ERMN: variants seen among roughly 807,000 people sequenced by gnomAD.
ERMN encodes ermin.
In ERMN, 17 loss-of-function variants were observed where a neutral mutation model predicts 21.4. That is an observed-to-expected ratio of 0.80 (90% CI 0.54 to 1.19). ERMN has a LOEUF of 1.19. ERMN is among the 50% of genes most tolerant of loss of function. The pLI is 0.00. For missense variants in ERMN, 348 were observed against 331.6 expected (o/e 1.05, Z -0.38); for synonymous variants, 115 against 111.9 (o/e 1.03, Z -0.17).
upstream of ERMN, among the ~76,000 whole-genome samples, chr2:157,326,671 T>G (rs962919357): frequency 3.9e-5 from 6 of 152,158 alleles, no homozygotes; most frequent in African/African-American, 1.4e-4. Context: ...GGATTTCTCA[T>G]AGTACAAAAT....
chr2:157,325,337 C>CA, intron 1 of ERMN, 65 bp downstream of exon 1: 3 of 1,603,852 alleles, frequency 1.9e-6, no homozygotes, highest in Non-Finnish European at 1.7e-6. Context: ...AATAGTTTAT[C>CA]AAAAAAATCC....
upstream of ERMN, among the ~76,000 whole-genome samples, chr2:157,326,458 ATCCT>A (rs1391470645): frequency 6.6e-6 from 1 of 152,162 alleles, no homozygotes; most frequent in Non-Finnish European, 1.5e-5. Context: ...AGCCCAGCCG[ATCCT>A]TTAAAACCCT....
rs1683877240 is a variant in ERMN, at chr2:157,321,011, T to C, written c.*260A>G. The stretch of plus-strand genomic sequence containing the variant: ...CAGATTCCCCCAGGGGACTGACTGC[T>C]TAGTGCTTATCACACAATGCTATAT... On this transcript the variant is annotated 3_prime_UTR_variant, in exon 3 of 3. Coordinates refer to ENST00000410096, the MANE Select transcript of ERMN (RefSeq NM_020711.3). 2.3e-6 allele frequency: 1 copy of C among 436,768 alleles called. No homozygotes were observed. The highest frequency in any genetic ancestry group is 4.0e-6 in the Non-Finnish European group (1 of 248,638). 27.1% of individuals were successfully genotyped at this position (436,768 alleles called of 1,614,324 possible).
chr2:157,325,530 C>A lies in ERMN; in HGVS notation c.113G>T (p.Ser38Ile), dbSNP rs1466555829. The A allele has an allele frequency of 6.2e-7, 1 of 1,614,182 alleles. No homozygotes were observed. The highest frequency in any genetic ancestry group is 8.5e-7 in the Non-Finnish European group (1 of 1,180,022). The change falls in exon 1 of 3, where the codon AGC (serine) becomes ATC (isoleucine). Residue 38 changes from serine to isoleucine, a missense_variant. Physicochemically the swap from Ser to Ile is moderately radical, Grantham distance 142 (BLOSUM62 -2). Transcript: ENST00000410096. ...KISEELTDVD[S>I]PLPHYRVEPS... is the part of the protein sequence containing the mutation. ...TTCTACCCTGTAGTGTGGCAGGGGG[C>A]TGTCCACATCAGTCAATTCCTCACT... is the stretch of plus-strand genomic sequence containing the variant.
chr2:157,324,169 AG>A (rs1180562595), intron 2 of ERMN: 1 of 262,582 alleles, frequency 3.8e-6, no homozygotes, highest in African/African-American at 2.4e-5. Context: ...TTACTCAGGA[AG>A]CTGAGGCAGG....
chr2:157,323,189 T>C (rs1683959414), intron 2 of ERMN, among the ~76,000 whole-genome samples: 1 of 152,172 alleles, frequency 6.6e-6, no homozygotes, highest in South Asian at 2.1e-4. Context: ...CCTGCTTTCA[T>C]TCTCCATTTG....
At chr2:157,325,845 T>C, upstream of ERMN, 1 of 1,423,202 alleles carries the variant, frequency 7.0e-7, no homozygotes, top group Non-Finnish European at 9.2e-7. Context: ...CAAGAGGATT[T>C]GTCAGATCTG....
upstream of ERMN, chr2:157,327,492 A>C (rs1276233587): frequency 1.3e-6 from 1 of 780,166 alleles, no homozygotes; most frequent in African/African-American, 1.7e-5. Flanking sequence ...CAGTCTTCTG[A>C]GGTAGGTGCT....
chr2:157,325,902 G>T (rs1010968253), upstream of ERMN: 4 of 1,380,296 alleles, frequency 2.9e-6, no homozygotes, highest in African/African-American at 5.8e-5. Flanking sequence ...CTTCTTTGTT[G>T]CTTGCCAGTT....
At chr2:157,321,892 C>T in intron 2 of ERMN, 101 bp from the exon 3 acceptor site, 1 of 1,024,208 alleles carries the variant, frequency 9.8e-7, no homozygotes, top group Non-Finnish European at 1.4e-6. Flanking sequence ...AATCACTTCC[C>T]AACACATGTT....
intron 2 of ERMN, among the ~76,000 whole-genome samples, chr2:157,322,694 T>C (rs1158760808): frequency 1.3e-5 from 2 of 152,214 alleles, no homozygotes; most frequent in African/African-American, 4.8e-5. Context: ...TCTTATTTTT[T>C]TGTTGTTTTC....
At position 157,321,140 on chromosome 2, in the gene ERMN, C is replaced by G. The variant is rs907496149; in HGVS notation, c.*131G>C. Reference sequence around the variant, plus strand: ...CTAGGGTTATTTCCACATTATTCTACAGTGAAAAAGAGAGTCAACTTCCAC... The same window carrying G: ...CTAGGGTTATTTCCACATTATTCTAGAGTGAAAAAGAGAGTCAACTTCCAC... On this transcript the variant is annotated 3_prime_UTR_variant, in exon 3 of 3. Coordinates refer to ENST00000410096, the MANE Select transcript of ERMN (RefSeq NM_020711.3). The G allele has an allele frequency of 1.8e-5, 23 of 1,311,060 alleles. No individual in the cohort carries two copies. Among genetic ancestry groups the G allele is most frequent in the Non-Finnish European group, 2.2e-5 (21 of 968,910 alleles). The allele number at this position is 1,311,060 out of a possible 1,614,324, so 81.2% of individuals were successfully genotyped here. A position where few individuals can be genotyped will look rare whatever the true frequency, so the allele number is the denominator to read the frequency against.
intron 2 of ERMN, chr2:157,324,197 T>A (rs1683993734): frequency 4.0e-6 from 1 of 252,746 alleles, no homozygotes; most frequent in Non-Finnish European, 7.9e-6. Context: ...GCTTGAACCC[T>A]GGAGACAGAG....
intron 2 of ERMN, among the ~76,000 whole-genome samples, chr2:157,322,347 A>T (rs1429401144): frequency 6.6e-6 from 1 of 152,122 alleles, no homozygotes; most frequent in African/African-American, 2.4e-5. Context: ...ATGACTGTCC[A>T]TGTCTGGTCA....
At chr2:157,325,981 G>A (rs1278381050), upstream of ERMN, 3 of 1,152,796 alleles carry the variant, frequency 2.6e-6, no homozygotes, top group Admixed American at 4.1e-5. Flanking sequence ...AGGCTTTTGT[G>A]TTGGCATGTA....
chr2:157,323,797 T>C (rs937429691), intron 2 of ERMN, among the ~76,000 whole-genome samples: 7 of 152,214 alleles, frequency 4.6e-5, no homozygotes, highest in Non-Finnish European at 7.3e-5. Context: ...TATTTAAAAT[T>C]TAACATAATC....
rs1487708789 is a variant in ERMN at position 157,325,654 on chromosome 2, G to A, written c.-12C>T. ...GGAACATCTGTCATGATGTGCGGTT[G>A]AATCCGATCTGGAGAGAGAGCTTTA... is the stretch of plus-strand genomic sequence containing the variant. On this transcript the variant is annotated 5_prime_UTR_variant, in exon 1 of 3. Coordinates refer to ENST00000410096, the MANE Select transcript of ERMN (RefSeq NM_020711.3). 1.9e-6 allele frequency: 3 copies of A among 1,614,192 alleles called. No homozygotes were observed. Among genetic ancestry groups the A allele is most frequent in the African/African-American group, 1.3e-5 (1 of 75,062 alleles).
At position 157,325,474 on chromosome 2, in the gene ERMN, T is replaced by G; in HGVS notation, c.169A>C (p.Ser57Arg). The G allele has an allele frequency of 6.2e-7, 1 of 1,614,180 alleles. No individual in the cohort carries two copies. The highest frequency in any genetic ancestry group is 1.1e-5 in the South Asian group (1 of 91,084). Residue 57 changes from serine to arginine, a missense_variant, in exon 1 of 3, where the codon AGT (serine) becomes CGT (arginine). By Grantham distance (110) the Ser-to-Arg change is moderately radical. Transcript: ENST00000410096. The stretch of plus-strand genomic sequence containing the variant: ...TGTAATTTTCTTCTTTCCTCCTGAC[T>G]TCCTTTGGTGAGTGCACCTTCCAGA... ...PSLEGALTKG[S>R]QEERRKLQGN...
rs995502124 is a variant in ERMN at position 157,319,871 on chromosome 2, G to A, written c.*1400C>T. 6.6e-6 allele frequency: 1 copy of A among 152,164 alleles called. No individual in the cohort carries two copies. Among genetic ancestry groups the A allele is most frequent in the African/African-American group, 2.4e-5 (1 of 41,454 alleles). The allele number at this position is 152,164 out of a possible 1,614,324, so 9.4% of individuals were successfully genotyped here. A position where few individuals can be genotyped will look rare whatever the true frequency, so the allele number is the denominator to read the frequency against. Reference sequence around the variant, plus strand: ...ATTAAAGAAGTTGTCATTAGAATATGTGGGATTTATGTTACACATAAATAA... The same window carrying A: ...ATTAAAGAAGTTGTCATTAGAATATATGGGATTTATGTTACACATAAATAA... On this transcript the variant is annotated 3_prime_UTR_variant, in exon 3 of 3. Coordinates refer to ENST00000410096, the MANE Select transcript of ERMN (RefSeq NM_020711.3).
Sources: allele counts gnomAD v4.1 joint callset (sites outside exome capture counted in the v4.1 genomes callset), GRCh38; gene constraint gnomAD v4.1.1; transcripts MANE v1.5; gene names NCBI Gene and HGNC (gene_info 2026-07-23, HGNC 2026-07-21).